GPHN: variants seen among roughly 807,000 people sequenced by gnomAD.
GPHN encodes the protein gephyrin.
In GPHN, 17 loss-of-function variants were observed where a neutral mutation model predicts 95.5. The observed-to-expected ratio is 0.18, with a 90% CI of 0.12 to 0.27. The LOEUF (loss-of-function observed/expected upper bound fraction) is 0.27, where lower values mean the gene tolerates loss of function less well. Among genes scored for constraint, GPHN ranks in the 10% least tolerant of loss-of-function variants. GPHN has a pLI of 1.00. For synonymous variants in GPHN, 320 were observed against 322.5 expected, an observed-to-expected ratio of 0.99 and a Z score of 0.08; for missense variants, 660 against 978.1, an observed-to-expected ratio of 0.67 and a Z score of 4.34.
intron 5 of GPHN, among the ~76,000 whole-genome samples, chr14:66,911,086 G>GT (rs564451968): frequency 1.3e-3 from 190 of 151,900 alleles, no homozygotes; most frequent in African/African-American, 4.4e-3. Flanking sequence ...ATGTGGAAAA[G>GT]TTTTTTTTAA....
At chr14:67,137,384 A>G (rs2080154131) in intron 17 of GPHN, among the ~76,000 whole-genome samples, 1 of 151,750 alleles carries the variant, frequency 6.6e-6, no homozygotes, top group East Asian at 2.0e-4. Flanking sequence ...TGACCTCGTG[A>G]TCCACCTGCC....
At chr14:67,411,867 A>G in the GPHN span, 1 of 661,418 alleles carries the variant, frequency 1.5e-6, no homozygotes, top group Non-Finnish European at 2.4e-6. Context: ...AGCTCTGCCC[A>G]TCAGGGCCAC....
intron 5 of GPHN, among the ~76,000 whole-genome samples, chr14:66,907,487 G>T (rs2065441873): frequency 6.6e-6 from 1 of 152,120 alleles, no homozygotes; most frequent in Non-Finnish European, 1.5e-5. Context: ...TATTTGATAT[G>T]AAGTAGAAAT....
At chr14:66,574,660 A>G (rs897833833) in intron 1 of GPHN, among the ~76,000 whole-genome samples, 6 of 152,184 alleles carry the variant, frequency 3.9e-5, no homozygotes, top group African/African-American at 1.4e-4. Context: ...GGGCATATCC[A>G]TGAGGATGTT....
intron 17 of GPHN, among the ~76,000 whole-genome samples, chr14:67,138,887 C>CTTTT (rs34446302): frequency 2.7e-4 from 26 of 94,682 alleles, no homozygotes; most frequent in African/African-American, 1.4e-3. Flanking sequence ...GCATCCTCTC[C>CTTTT]TTTTTTTTTT....
chr14:67,474,078 C>T, the GPHN span: 1 of 954,408 alleles, frequency 1.0e-6, no homozygotes, highest in Non-Finnish European at 1.5e-6. Context: ...ATGGTGAAAC[C>T]CCGTCTCTAC....
At chr14:67,658,605 T>C in the GPHN span, among the ~76,000 whole-genome samples, 3 of 151,932 alleles carry the variant, frequency 2.0e-5, no homozygotes, top group Admixed American at 6.6e-5. Context: ...TCAAAAAAAA[T>C]AATAATAATT....
the GPHN span, among the ~76,000 whole-genome samples, chr14:67,332,192 A>G: frequency 4.6e-5 from 7 of 152,326 alleles, no homozygotes; most frequent in African/African-American, 1.7e-4. Context: ...AGGGTTCAGG[A>G]TAAGTTTTGC....
rs185479524 is a variant in GPHN at position 66,663,115 on chromosome 14, A to G, written c.65-17992A>G. Among the ~76,000 whole-genome samples the G allele has an allele frequency of 9.4e-3, 1,430 of 152,332 alleles. 30 individuals carry two copies. The highest frequency in any genetic ancestry group is 0.033 in the African/African-American group (1,391 of 41,562). ...AGACAGACCAACATTCGATTTCAGG[A>G]AATGGGAGAACCCCTGTAAAATATT... is the stretch of plus-strand genomic sequence containing the variant. On this transcript the variant is annotated intron_variant, in intron 1 of 22. Coordinates refer to ENST00000478722, the MANE Select transcript of GPHN (RefSeq NM_020806.5).
At chr14:67,646,471 C>T in the GPHN span, 1 of 574,638 alleles carries the variant, frequency 1.7e-6, no homozygotes, top group Non-Finnish European at 3.1e-6. Context: ...CCTTCTGAAA[C>T]ATTTCCACCT....
chr14:67,283,370 TTTGA>T, the GPHN span, among the ~76,000 whole-genome samples: 1 of 152,204 alleles, frequency 6.6e-6, no homozygotes, highest in Non-Finnish European at 1.5e-5. Context: ...TTAACTGACT[TTTGA>T]TTGATCATGG....
At chr14:66,805,990 C>G (rs1008110340) in intron 3 of GPHN, among the ~76,000 whole-genome samples, 2 of 152,230 alleles carry the variant, frequency 1.3e-5, no homozygotes, top group African/African-American at 4.8e-5. Flanking sequence ...CTGCACTGCC[C>G]TAGCAGAGGT....
chr14:66,565,419 C>T (rs2060421692), intron 1 of GPHN, among the ~76,000 whole-genome samples: 2 of 152,160 alleles, frequency 1.3e-5, no homozygotes, highest in South Asian at 4.2e-4. Context: ...TCATCTCAGC[C>T]TCCCGAGTAG....
In GPHN at chr14:66,761,673, T is replaced by G. The variant is rs8012451; in HGVS notation, c.144-14791T>G. Among the ~76,000 whole-genome samples the G allele has an allele frequency of 1.0e-3, 157 of 149,612 alleles. 1 individual carries two copies. The Middle Eastern group carries it at 0.017, about 16-fold the overall frequency. On this transcript the variant is annotated intron_variant, in intron 2 of 22. Coordinates refer to ENST00000478722, the MANE Select transcript of GPHN (RefSeq NM_020806.5). ...AATACTCAGTTCTTTTTTTTTTTTT[T>G]TTTTGAGATGGAGTCTCTTTCTGTG...
In GPHN at chr14:66,554,138, C is replaced by A. The variant is rs573078691; in HGVS notation, c.64+45547C>A. On this transcript the variant is annotated intron_variant, in intron 1 of 22. Coordinates refer to ENST00000478722, the MANE Select transcript of GPHN (RefSeq NM_020806.5). The stretch of plus-strand genomic sequence containing the variant: ...TTGGAATTTTTTTTACTTTTCTGAA[C>A]CTTCTGTGGGTTTTTATGCTTGAAA... Among the ~76,000 whole-genome samples the A allele has an allele frequency of 1.1e-4, 17 of 151,996 alleles. No homozygotes were observed. The South Asian group carries it at 3.5e-3, about 32-fold the overall frequency.
intron 4 of GPHN, among the ~76,000 whole-genome samples, chr14:66,867,283 T>A (rs1205777754): frequency 1.3e-5 from 2 of 152,168 alleles, no homozygotes; most frequent in African/African-American, 4.8e-5. Flanking sequence ...GACCATTTGG[T>A]TGTATTATTA....
chr14:66,977,581 A>T (rs1035315249), intron 9 of GPHN, among the ~76,000 whole-genome samples: 1 of 152,196 alleles, frequency 6.6e-6, no homozygotes, highest in Admixed American at 6.5e-5. Flanking sequence ...TTTAATGTGT[A>T]TGGAAAATAA....
intron 4 of GPHN, among the ~76,000 whole-genome samples, chr14:66,838,541 T>A (rs1207555335): frequency 1.3e-5 from 2 of 152,124 alleles, no homozygotes; most frequent in African/African-American, 4.8e-5. Flanking sequence ...AATCTACTCT[T>A]GTAAAATGAA....
the GPHN span, chr14:67,390,574 A>G: frequency 2.2e-6 from 2 of 915,888 alleles, no homozygotes; most frequent in African/African-American, 3.2e-5. Context: ...GGAAGGCAGG[A>G]TATCCAGCCA....
Sources: gnomAD v4.1 joint callset for allele counts (sites outside exome capture counted in the v4.1 genomes callset) on GRCh38, gnomAD v4.1.1 for gene constraint, MANE v1.5 for transcripts, NCBI Gene and HGNC (gene_info 2026-07-23, HGNC 2026-07-21) for gene names.